GRID2IP: variants seen among roughly 807,000 people sequenced by gnomAD.
GRID2IP encodes delphilin.
In GRID2IP, 78 loss-of-function variants were observed where a neutral mutation model predicts 114.3. That is an observed-to-expected ratio of 0.68 (90% CI 0.57 to 0.82). GRID2IP has a LOEUF of 0.82. Among genes scored for constraint, GRID2IP ranks in the 40% least tolerant of loss-of-function variants. The probability of loss-of-function intolerance (pLI) is 0.00; values close to 1 mark genes in which losing one functional copy is unlikely to be tolerated. For missense variants in GRID2IP, 1,727 were observed against 1,678.5 expected, an observed-to-expected ratio of 1.03 and a Z score of -0.51; for synonymous variants, 809 against 724.0, an observed-to-expected ratio of 1.12 and a Z score of -1.89.
intron 1 of GRID2IP, among the ~76,000 whole-genome samples, chr7:6,546,621 C>G (rs1364481290): frequency 1.3e-5 from 2 of 151,624 alleles, no homozygotes; most frequent in African/African-American, 4.8e-5. Context: ...GGAGGCCCTT[C>G]ATCTTCCAGA....
rs1675771325 is a variant in GRID2IP, at chr7:6,532,549, T to C, written c.585-5780A>G. Among the ~76,000 whole-genome samples, 1 of 152,114 alleles carries C rather than the reference T, an allele frequency of 6.6e-6. No homozygotes were observed. The highest frequency in any genetic ancestry group is 1.5e-5 in the Non-Finnish European group (1 of 68,022). Reference sequence around the variant, plus strand: ...TGTGACCCCCCGTGGCTGTACTTCTTCCTGGAAGCAGCCAGAAACTGGAGC... The same window carrying C: ...TGTGACCCCCCGTGGCTGTACTTCTCCCTGGAAGCAGCCAGAAACTGGAGC... On this transcript the variant is annotated intron_variant, in intron 2 of 21. Transcript: ENST00000457091. This position sits in a 1 kb window ranked among gnomAD's most constrained non-coding sequence, Gnocchi z 4.4.
Position 6,509,226 on chromosome 7 carries a change from GC to G in GRID2IP, c.1858del (p.Ala620ProfsTer67). ...GTGGGACTCAGAGCTGCTGGGGGAG[GC>G]CAGACCCCCCGAACACAGCGGGTGG... is the stretch of plus-strand genomic sequence containing the variant. ...CYHPLCSGGLASPSSSESHPY... is the reference protein window; with the variant it reads ...CYHPLCSGGLXSPSSSESHPY... On this transcript the variant is annotated frameshift_variant, in exon 12 of 22. Transcript: ENST00000457091. LOFTEE classifies it high-confidence loss of function. The surrounding 1 kb of genome is among the most constrained non-coding windows in gnomAD (Gnocchi z 4.9). The G allele has an allele frequency of 6.6e-7, 1 of 1,507,208 alleles. No homozygotes were observed. Among genetic ancestry groups the G allele is most frequent in the Non-Finnish European group, 8.9e-7 (1 of 1,125,964 alleles). 93.4% of individuals were successfully genotyped at this position (1,507,208 alleles called of 1,614,324 possible).
At chr7:6,502,904 T>G in intron 17 of GRID2IP, 32 bp from the exon 18 acceptor site, 3 of 1,538,952 alleles carry the variant, frequency 1.9e-6, no homozygotes, top group Non-Finnish European at 2.6e-6. Flanking sequence ...GGTCCTGTCC[T>G]CACCCCACCA....
chr7:6,509,106 C>A lies in GRID2IP; in HGVS notation c.1979G>T (p.Arg660Leu). 3.2e-6 allele frequency: 1 copy of A among 313,892 alleles called. No individual in the cohort carries two copies. The highest frequency in any genetic ancestry group is 2.5e-5 in the South Asian group (1 of 39,904). 19.4% of individuals were successfully genotyped at this position (313,892 alleles called of 1,614,324 possible). Residue 660 changes from arginine to leucine, a missense_variant, in exon 12 of 22, where the codon CGC becomes CTC. Physicochemically the swap from Arg to Leu is moderately radical, Grantham distance 102 (BLOSUM62 -2). Transcript: ENST00000457091. This position sits in a 1 kb window ranked among gnomAD's most constrained non-coding sequence, Gnocchi z 4.9. The stretch of plus-strand genomic sequence containing the variant: ...GAAGAGCTTCCTGCGGCTGGGCGGG[C>A]GGGTGGGGTCCGGGCTTGGGGGGCT... ...PDSPPSPDPT[R>L]PPSRRKLFTF...
rs1475425069 is a variant in GRID2IP, at chr7:6,520,937, C to T, written c.1085-176G>A. Among the ~76,000 whole-genome samples the T allele has an allele frequency of 6.6e-6, 1 of 152,074 alleles. No homozygotes were observed. Among genetic ancestry groups the T allele is most frequent in the Non-Finnish European group, 1.5e-5 (1 of 67,984 alleles). Reference sequence around the variant, plus strand: ...GGGGCCAAGGATAGAGGGAGTCAGCCCTGGGAAGGGTCCCTAAGGCTATAC... The same window carrying T: ...GGGGCCAAGGATAGAGGGAGTCAGCTCTGGGAAGGGTCCCTAAGGCTATAC... On this transcript the variant is annotated intron_variant, in intron 6 of 21. Coordinates refer to ENST00000457091, the MANE Select transcript of GRID2IP (RefSeq NM_001145118.2). This position sits in a 1 kb window ranked among gnomAD's most constrained non-coding sequence, Gnocchi z 4.6.
intron 20 of GRID2IP, among the ~76,000 whole-genome samples, chr7:6,501,350 C>T (rs940930253): frequency 2.0e-5 from 3 of 151,972 alleles, no homozygotes; most frequent in Admixed American, 6.6e-5. Flanking sequence ...GGCTCTGTCT[C>T]AAAAAATAAA....
rs781282799 is a variant in GRID2IP at position 6,501,873 on chromosome 7, G to A, written c.3307C>T (p.Leu1103=). 2.6e-6 allele frequency: 4 copies of A among 1,551,586 alleles called. 1 individual carries two copies. The South Asian group carries it at 4.8e-5, about 18-fold the overall frequency. ...CTGATAGTGCCATGGAGGTCAGCCA[G>A]GTCACTGGTCAGGGCCCGTTGGTTC... ...KVNQRALTSD[L]ADLHGTISEI... Residue 1103 remains leucine (L), a synonymous_variant, in exon 20 of 22, where the codon CTG becomes TTG. Coordinates refer to ENST00000457091, the MANE Select transcript of GRID2IP (RefSeq NM_001145118.2).
chr7:6,507,839 G>T lies in GRID2IP; in HGVS notation c.2544+146C>A. ...TGCAGTGGCCCCCAAGCGTGGGGAC[G>T]TTCTTGGGCTGGGCCTCTACTCATC... On this transcript the variant is annotated intron_variant, in intron 13 of 21. Coordinates refer to ENST00000457091, the MANE Select transcript of GRID2IP (RefSeq NM_001145118.2). The surrounding 1 kb of genome is among the most constrained non-coding windows in gnomAD (Gnocchi z 5.3). The T allele has an allele frequency of 2.3e-6, 3 of 1,301,376 alleles. No individual in the cohort carries two copies. The highest frequency in any genetic ancestry group is 3.1e-6 in the Non-Finnish European group (3 of 978,726). The allele number at this position is 1,301,376 out of a possible 1,614,324, so 80.6% of individuals were successfully genotyped here.
At position 6,521,018 on chromosome 7, in the gene GRID2IP, G is replaced by A. The variant is rs141852859; in HGVS notation, c.1085-257C>T. The stretch of plus-strand genomic sequence containing the variant: ...CAGAGTCTTGCTCTGTTGCCCAGGC[G>A]GGAGTGCAATGGCGTGATCTCGGCT... On this transcript the variant is annotated intron_variant, in intron 6 of 21. Coordinates refer to ENST00000457091, the MANE Select transcript of GRID2IP (RefSeq NM_001145118.2). The surrounding 1 kb of genome is among the most constrained non-coding windows in gnomAD (Gnocchi z 4.1). Among the ~76,000 whole-genome samples, 948 of 152,254 alleles carry A rather than the reference G, an allele frequency of 6.2e-3. 13 individuals carry two copies. The highest frequency in any genetic ancestry group is 0.011 in the African/African-American group (451 of 41,554).
rs1224751221 is a variant in GRID2IP at position 6,506,688 on chromosome 7, T to G, written c.2545-781A>C. Among the ~76,000 whole-genome samples the G allele has an allele frequency of 6.7e-6, 1 of 148,244 alleles. No homozygotes were observed. The highest frequency in any genetic ancestry group is 1.5e-5 in the Non-Finnish European group (1 of 67,122). On this transcript the variant is annotated intron_variant, in intron 13 of 21. Coordinates refer to ENST00000457091, the MANE Select transcript of GRID2IP (RefSeq NM_001145118.2). This position sits in a 1 kb window ranked among gnomAD's most constrained non-coding sequence, Gnocchi z 5.2. ...CCCTTGTCTCACTGAGGTATTTTTT[T>G]TTTTTTTTTTTTAGATAGGGTCTCA...
intron 15 of GRID2IP, among the ~76,000 whole-genome samples, chr7:6,504,053 G>C (rs1268829326): frequency 2.7e-5 from 4 of 150,622 alleles, no homozygotes; most frequent in African/African-American, 9.8e-5. Context: ...CAGGGGACAA[G>C]GGAAGCAGGT....
intron 4 of GRID2IP, among the ~76,000 whole-genome samples, chr7:6,524,778 A>G (rs1231107848): frequency 6.6e-6 from 1 of 151,410 alleles, no homozygotes; most frequent in Non-Finnish European, 1.5e-5. Flanking sequence ...GTGCAATGGC[A>G]TGATCTCAGC....
chr7:6,511,005 C>T lies in GRID2IP; in HGVS notation c.1458G>A (p.Glu486=), dbSNP rs1371946571. ...TCCGCGGCTGGGGCTCAGGCGTGGG[C>T]TCGGACTCCAGGTCCAGCTCAGGCT... The part of the protein sequence containing the change: ...EPEPELDLES[E]PTPEPQPRSS... Residue 486 remains glutamate, a synonymous_variant, in exon 9 of 22, where the codon GAG becomes GAA. Transcript: ENST00000457091. 2 of 1,513,570 alleles carry T rather than the reference C, an allele frequency of 1.3e-6. No individual in the cohort carries two copies. The highest frequency in any genetic ancestry group is 1.8e-6 in the Non-Finnish European group (2 of 1,130,452). The allele number at this position is 1,513,570 out of a possible 1,614,324, so 93.8% of individuals were successfully genotyped here. A position where few individuals can be genotyped will look rare whatever the true frequency, so the allele number is the denominator to read the frequency against.
Position 6,521,399 on chromosome 7 carries a change from A to C in GRID2IP, c.1084+30T>G. 6.8e-7 allele frequency: 1 copy of C among 1,479,440 alleles called. No homozygotes were observed. The highest frequency in any genetic ancestry group is 2.5e-5 in the East Asian group (1 of 40,080). The allele number at this position is 1,479,440 out of a possible 1,614,324, so 91.6% of individuals were successfully genotyped here. Reference sequence around the variant, plus strand: ...AGCCTGGGCAGGGTCTCTGGGGGCCAAGGAAGCCAAGTGTCCATGGGGGTC... The same window carrying C: ...AGCCTGGGCAGGGTCTCTGGGGGCCCAGGAAGCCAAGTGTCCATGGGGGTC... On this transcript the variant is annotated intron_variant, in intron 6 of 21. Transcript: ENST00000457091. This position sits in a 1 kb window ranked among gnomAD's most constrained non-coding sequence, Gnocchi z 4.1.
chr7:6,516,904 T>A lies in GRID2IP; in HGVS notation c.1269-2375A>T, dbSNP rs1448489789. Reference sequence around the variant, plus strand: ...ACATGACCTTACCTATCATTGGAGATGACTCTCACTCCATACCCTGCCCCT... The same window carrying A: ...ACATGACCTTACCTATCATTGGAGAAGACTCTCACTCCATACCCTGCCCCT... On this transcript the variant is annotated intron_variant, in intron 7 of 21. Coordinates refer to ENST00000457091, the MANE Select transcript of GRID2IP (RefSeq NM_001145118.2). This position sits in a 1 kb window ranked among gnomAD's most constrained non-coding sequence, Gnocchi z 4.3. 6.6e-6 allele frequency among the ~76,000 whole-genome samples: 1 copy of A among 152,122 alleles called. No homozygotes were observed. Among genetic ancestry groups the A allele is most frequent in the East Asian group, 1.9e-4 (1 of 5,192 alleles).
rs1193738610 is a variant in GRID2IP at position 6,503,530 on chromosome 7, C to A, written c.2868G>T (p.Ala956=). ...EEQRYQAFRE[A]PGRLSEPDQF... Reference sequence around the variant, plus strand: ...GGTCCGGCTCGCTGAGGCGGCCGGGCGCCTCGCGGAAGGCCTGGTAGCGCT... The same window carrying A: ...GGTCCGGCTCGCTGAGGCGGCCGGGAGCCTCGCGGAAGGCCTGGTAGCGCT... The change falls in exon 16 of 22, where the codon GCG becomes GCT. Residue 956 remains alanine, a synonymous_variant. Transcript: ENST00000457091. The A allele has an allele frequency of 2.0e-6, 3 of 1,525,768 alleles. No individual in the cohort carries two copies. Among genetic ancestry groups the A allele is most frequent in the South Asian group, 2.4e-5 (2 of 83,394 alleles). The allele number at this position is 1,525,768 out of a possible 1,614,324, so 94.5% of individuals were successfully genotyped here.
At position 6,534,621 on chromosome 7, in the gene GRID2IP, C is replaced by T. The variant is rs1333818407; in HGVS notation, c.584+5097G>A. Among the ~76,000 whole-genome samples the T allele has an allele frequency of 1.3e-5, 2 of 152,186 alleles. No homozygotes were observed. The highest frequency in any genetic ancestry group is 2.9e-5 in the Non-Finnish European group (2 of 68,030). On this transcript the variant is annotated intron_variant, in intron 2 of 21. Transcript: ENST00000457091. This position sits in a 1 kb window ranked among gnomAD's most constrained non-coding sequence, Gnocchi z 4.5. ...CTGGTCCTGTACGGTAGCCGCTAGC[C>T]ATATGTCACTGTCACTGTTGTGTGC...
chr7:6,510,874 T>C (rs1258881037), intron 9 of GRID2IP, 34 bp downstream of exon 9: 2 of 1,544,324 alleles, frequency 1.3e-6, no homozygotes, highest in Admixed American at 2.0e-5. Flanking sequence ...AAAACTGAGC[T>C]CCATTCATAC....
At chr7:6,535,010 C>T (rs958902655) in intron 2 of GRID2IP, among the ~76,000 whole-genome samples, 5 of 152,180 alleles carry the variant, frequency 3.3e-5, no homozygotes, top group East Asian at 3.9e-4. Context: ...CTCAGCCTCC[C>T]GAGTAGCTGG....
Sources: allele counts gnomAD v4.1 joint callset (sites outside exome capture counted in the v4.1 genomes callset), GRCh38; gene constraint gnomAD v4.1.1; non-coding constraint Gnocchi (gnomAD v3.1); transcripts MANE v1.5; gene names NCBI Gene and HGNC (gene_info 2026-07-23, HGNC 2026-07-21).